KMT2B: variants seen among roughly 807,000 people sequenced by gnomAD.
The protein encoded by KMT2B is lysine methyltransferase 2B, also known as histone-lysine N-methyltransferase 2B.
KMT2B carries 22 observed loss-of-function variants against 255.3 expected under a neutral mutation model. That is an observed-to-expected ratio of 0.09 (90% CI 0.06 to 0.12). The LOEUF (loss-of-function observed/expected upper bound fraction) is 0.12. KMT2B is among the 10% of genes least tolerant of loss of function. The probability of loss-of-function intolerance (pLI) is 1.00; values close to 1 mark genes in which losing one functional copy is unlikely to be tolerated. For missense variants in KMT2B, 3,149 were observed against 3,737.0 expected (o/e 0.84, Z 4.10); for synonymous variants, 1,730 against 1,498.1 (o/e 1.15, Z -3.57).
chr19:35,718,294 C>T lies in KMT2B; in HGVS notation c.276C>T (p.Gly92=). 8.1e-7 allele frequency: 1 copy of T among 1,230,232 alleles called. No individual in the cohort carries two copies. The highest frequency in any genetic ancestry group is 4.1e-5 in the South Asian group (1 of 24,234). The allele number at this position is 1,230,232 out of a possible 1,614,324, so 76.2% of individuals were successfully genotyped here. Residue 92 remains glycine (G), a synonymous_variant, in exon 1 of 37, where the codon GGC becomes GGT. Coordinates refer to ENST00000420124, the MANE Select transcript of KMT2B (RefSeq NM_014727.3). This position sits in a 1 kb window ranked among gnomAD's most constrained non-coding sequence, Gnocchi z 5.0. ...RLWAGPRVQR[G]RGRGRGRGWG... ...GGGCCGGCCCGCGGGTCCAGCGGGG[C>T]CGGGGACGGGGTCGGGGCCGGGGCT... is the stretch of plus-strand genomic sequence containing the variant.
chr19:35,724,036 G>T, intron 8 of KMT2B, 29 bp downstream of exon 8: 1 of 1,542,570 alleles, frequency 6.5e-7, no homozygotes, highest in South Asian at 1.2e-5. Flanking sequence ...TTTCTCTGTT[G>T]ATCATTTATT....
rs753685124 is a variant in KMT2B at position 35,732,052 on chromosome 19, C to T, written c.5582C>T (p.Ser1861Leu). ...SAPPPAPRSF[S>L]GARIKVPNYS... ...CCTCCTCCAGCCCCCCGTTCTTTTT[C>T]GGGGGCTCGAATCAAAGTGCCCAAC... is the stretch of plus-strand genomic sequence containing the variant. The change falls in exon 27 of 37, where the codon TCG (serine) becomes TTG (leucine). Residue 1861 changes from serine (S) to leucine (L), a missense_variant. Ser to Leu is a moderately radical substitution (Grantham distance 145, BLOSUM62 -2). Around this residue, in one of 18 missense-constraint regions of KMT2B, gnomAD observed 897 missense variants for 825.3 expected, o/e 1.09. Coordinates refer to ENST00000420124, the MANE Select transcript of KMT2B (RefSeq NM_014727.3). 4.9e-5 allele frequency: 79 copies of T among 1,611,754 alleles called. No individual in the cohort carries two copies. The Admixed American group carries it at 5.2e-4, about 11-fold the overall frequency.
At chr19:35,726,423 A>G (rs1969447907) in intron 14 of KMT2B, 70 bp downstream of exon 14, 1 of 1,001,904 alleles carries the variant, frequency 1.0e-6, no homozygotes, top group Non-Finnish European at 1.6e-6. Context: ...TACAGGCTTT[A>G]GCACAGACCC....
chr19:35,729,398 T>C (rs1475066366), intron 22 of KMT2B, 102 bp downstream of exon 22: 2 of 1,440,212 alleles, frequency 1.4e-6, no homozygotes, highest in Non-Finnish European at 1.9e-6. Flanking sequence ...TGGCATCCTT[T>C]CACTGCCAGG....
chr19:35,733,315 C>T lies in KMT2B; in HGVS notation c.6766C>T (p.Pro2256Ser). ...AGTGGTCCGCCCTGCCCCGCCCCCG[C>T]CACCCCCTCCCCTGACGCTGGTGCT... ...VGVVRPAPPP[P>S]PPPLTLVLSS... The change falls in exon 28 of 37, where the codon CCA (proline) becomes TCA (serine). Residue 2256 changes from proline (P) to serine (S), a missense_variant. Transcript: ENST00000420124. The surrounding 1 kb of genome is among the most constrained non-coding windows in gnomAD (Gnocchi z 4.3). The T allele has an allele frequency of 6.8e-7, 1 of 1,478,394 alleles. No individual in the cohort carries two copies. Among genetic ancestry groups the T allele is most frequent in the Non-Finnish European group, 9.2e-7 (1 of 1,086,288 alleles). 91.6% of individuals were successfully genotyped at this position (1,478,394 alleles called of 1,614,324 possible). A position where few individuals can be genotyped will look rare whatever the true frequency, so the allele number is the denominator to read the frequency against.
intron 2 of KMT2B, 109 bp from the exon 3 acceptor site, chr19:35,719,675 G>T: frequency 6.6e-7 from 1 of 1,516,852 alleles, no homozygotes; most frequent in Non-Finnish European, 8.9e-7. Context: ...AGCTAGTCTG[G>T]GCAGCGGGGG....
rs966506392 is a variant in KMT2B, at chr19:35,738,621, G to C, written c.*64G>C. ...TGCCGTCGCTGCCATCTTGCCCCTA[G>C]CCTGGGGGCTCCCTAGCCCCTCCCA... On this transcript the variant is annotated 3_prime_UTR_variant, in exon 37 of 37. Coordinates refer to ENST00000420124, the MANE Select transcript of KMT2B (RefSeq NM_014727.3). The surrounding 1 kb of genome is among the most constrained non-coding windows in gnomAD (Gnocchi z 8.7). 2.4e-5 allele frequency: 37 copies of C among 1,542,472 alleles called. No homozygotes were observed. In the African/African-American group the frequency reaches 4.2e-4, roughly 18 times the overall value.
Position 35,721,682 on chromosome 19 carries a change from G to T in KMT2B, c.2335G>T (p.Gly779Cys), listed in dbSNP as rs1969218741. The part of the protein sequence containing the change: ...MPPLEKARIA[G>C]VGSLPLSGVE... ...TCCCCTGGAAAAAGCCCGGATTGCG[G>T]GCGTGGGTTCCTTGCCGCTGTCTGG... The change falls in exon 3 of 37, where the codon GGC becomes TGC. Residue 779 changes from glycine (G) to cysteine (C), a missense_variant. This residue lies in a region of KMT2B where 1,188 missense variants were observed against 1,106.4 expected (regional missense o/e 1.07). Transcript: ENST00000420124. 1 of 1,611,528 alleles carries T rather than the reference G, an allele frequency of 6.2e-7. No homozygotes were observed. Among genetic ancestry groups the T allele is most frequent in the South Asian group, 1.1e-5 (1 of 90,884 alleles).
Position 35,721,765 on chromosome 19 carries a change from C to T in KMT2B, c.2418C>T (p.Ile806=), listed in dbSNP as rs369873235. 21 of 1,602,002 alleles carry T rather than the reference C, an allele frequency of 1.3e-5. No homozygotes were observed. In the African/African-American group the frequency reaches 2.0e-4, roughly 15 times the overall value. ...GAGCCAAAGTGCAGCTATTCAAGAT[C>T]GATCAGCAGCAGCAGCAGAAGGTGG... is the stretch of plus-strand genomic sequence containing the variant. ...LKRAKVQLFK[I]DQQQQQKVAA... is the part of the protein sequence containing the mutation. Residue 806 remains isoleucine, a synonymous_variant, in exon 3 of 37, where the codon ATC becomes ATT. Transcript: ENST00000420124.
In KMT2B at chr19:35,723,809, C is replaced by T. The variant is rs1969315638; in HGVS notation, c.3136C>T (p.Arg1046Cys). Residue 1046 changes from arginine (R) to cysteine (C), a missense_variant, in exon 8 of 37, where the codon CGC (arginine) becomes TGC (cysteine). Physicochemically the swap from Arg to Cys is radical, Grantham distance 180. Coordinates refer to ENST00000420124, the MANE Select transcript of KMT2B (RefSeq NM_014727.3). The surrounding 1 kb of genome is among the most constrained non-coding windows in gnomAD (Gnocchi z 7.5). ...PEASPGPPGP[R>C]RGAGAGGPRE... is the part of the protein sequence containing the mutation. ...GGCCTCCCCTGGTCCTCCAGGCCCA[C>T]GCCGGGGGGCGGGAGCTGGGGGGCC... 1 of 1,592,054 alleles carries T rather than the reference C, an allele frequency of 6.3e-7. No individual in the cohort carries two copies. The highest frequency in any genetic ancestry group is 8.6e-7 in the Non-Finnish European group (1 of 1,168,534).
Position 35,721,702 on chromosome 19 carries a change from G to C in KMT2B, c.2355G>C (p.Leu785=). The C allele has an allele frequency of 8.1e-6, 13 of 1,610,648 alleles. No homozygotes were observed. The highest frequency in any genetic ancestry group is 1.1e-5 in the Non-Finnish European group (13 of 1,178,368). The change falls in exon 3 of 37, where the codon CTG becomes CTC. Residue 785 remains leucine (L), a synonymous_variant. Coordinates refer to ENST00000420124, the MANE Select transcript of KMT2B (RefSeq NM_014727.3). ...TTGCGGGCGTGGGTTCCTTGCCGCT[G>C]TCTGGGGTAGAGGAGAAGATGTTCA... is the stretch of plus-strand genomic sequence containing the variant. ...ARIAGVGSLP[L]SGVEEKMFSL...
intron 14 of KMT2B, among the ~76,000 whole-genome samples, chr19:35,726,642 C>G (rs1395866559): frequency 2.0e-5 from 3 of 152,116 alleles, no homozygotes; most frequent in South Asian, 2.1e-4. Context: ...AAGCCTTATT[C>G]AGGCAGTACA....
rs771776488 is a variant in KMT2B, at chr19:35,723,817, G to C, written c.3144G>C (p.Gly1048=). The change falls in exon 8 of 37, where the codon GGG becomes GGC. Residue 1048 remains glycine (G), a synonymous_variant. Transcript: ENST00000420124. The surrounding 1 kb of genome is among the most constrained non-coding windows in gnomAD (Gnocchi z 7.5). ...CTGGTCCTCCAGGCCCACGCCGGGG[G>C]GCGGGAGCTGGGGGGCCCCGGGAGG... ...ASPGPPGPRR[G]AGAGGPREEV... The C allele has an allele frequency of 1.9e-6, 3 of 1,594,408 alleles. No individual in the cohort carries two copies. The highest frequency in any genetic ancestry group is 2.2e-5 in the South Asian group (2 of 89,644).
Position 35,733,847 on chromosome 19 carries a change from T to A in KMT2B, c.7134T>A (p.Leu2378=). Residue 2378 remains leucine (L), a synonymous_variant, in exon 30 of 37, where the codon CTT becomes CTA. Coordinates refer to ENST00000420124, the MANE Select transcript of KMT2B (RefSeq NM_014727.3). The surrounding 1 kb of genome is among the most constrained non-coding windows in gnomAD (Gnocchi z 4.3). ...QVPDGPPDLL[L]ESQWHHYSGE... ...CCGATGGTCCCCCAGACCTGCTGCT[T>A]GAGTCCCAGTGGCACCACTATTCAG... 1 of 1,613,404 alleles carries A rather than the reference T, an allele frequency of 6.2e-7. No individual in the cohort carries two copies. The highest frequency in any genetic ancestry group is 8.5e-7 in the Non-Finnish European group (1 of 1,179,428).
intron 27 of KMT2B, 33 bp from the exon 28 acceptor site, chr19:35,732,182 G>A: frequency 6.4e-7 from 1 of 1,568,082 alleles, no homozygotes; most frequent in Non-Finnish European, 8.7e-7. Flanking sequence ...GCGGAGGTGG[G>A]AGCTGCTGGT....
rs546215453 is a variant in KMT2B at position 35,727,592 on chromosome 19, G to T, written c.4272G>T (p.Lys1424Asn). The change falls in exon 16 of 37, where the codon AAG (lysine) becomes AAT (asparagine). Residue 1424 changes from lysine (K) to asparagine (N), a missense_variant. Lys to Asn is a moderately conservative substitution (Grantham distance 94). Transcript: ENST00000420124. This position sits in a 1 kb window ranked among gnomAD's most constrained non-coding sequence, Gnocchi z 4.2. ...TGCTCCAGGGCCTGCTGAGCTCCAA[G>T]GTGGTGGGCCCACTGCTGCTCTGCA... ...RQVLQGLLSS[K>N]VVGPLLLCTQ... The T allele has an allele frequency of 1.2e-6, 2 of 1,606,244 alleles. No individual in the cohort carries two copies. The highest frequency in any genetic ancestry group is 2.2e-5 in the East Asian group (1 of 44,790).
Position 35,723,734 on chromosome 19 carries a change from C to T in KMT2B, c.3061C>T (p.Arg1021Trp), listed in dbSNP as rs753991431. The change falls in exon 8 of 37, where the codon CGG becomes TGG. Residue 1021 changes from arginine (R) to tryptophan (W), a missense_variant and splice_region_variant. Arg to Trp is a moderately radical substitution (Grantham distance 101, BLOSUM62 -3). Around this residue, in one of 18 missense-constraint regions of KMT2B, gnomAD observed 50 missense variants for 71.9 expected, o/e 0.70. Coordinates refer to ENST00000420124, the MANE Select transcript of KMT2B (RefSeq NM_014727.3). The surrounding 1 kb of genome is among the most constrained non-coding windows in gnomAD (Gnocchi z 7.5). ...TACTAAGTCCCCTGTTCCCGCAGGCCGGACGATAGTGAAGACGCTGTTGCC... is the reference window on the plus strand; with the variant it reads ...TACTAAGTCCCCTGTTCCCGCAGGCTGGACGATAGTGAAGACGCTGTTGCC... Reference protein sequence around the residue: ...RKMERLAKKGRTIVKTLLPWD... With the variant: ...RKMERLAKKGWTIVKTLLPWD... The T allele has an allele frequency of 1.3e-6, 2 of 1,527,574 alleles. No individual in the cohort carries two copies. Among genetic ancestry groups the T allele is most frequent in the Non-Finnish European group, 1.8e-6 (2 of 1,137,162 alleles). 94.6% of individuals were successfully genotyped at this position (1,527,574 alleles called of 1,614,324 possible).
Position 35,722,617 on chromosome 19 carries a change from ATGC to A in KMT2B, c.2627_2629del (p.Ala876del), listed in dbSNP as rs766877314. 9.9e-6 allele frequency: 16 copies of A among 1,612,458 alleles called. No individual in the cohort carries two copies. Among genetic ancestry groups the A allele is most frequent in the Middle Eastern group, 3.3e-4 (2 of 6,062 alleles). On this transcript the variant is annotated inframe_deletion, in exon 5 of 37. Coordinates refer to ENST00000420124, the MANE Select transcript of KMT2B (RefSeq NM_014727.3). ...CCCCGCATCAAACATGTCTGCCGTC[ATGC>A]TGCTGTGGCCCTGGGTCAGGCCCGG...
chr19:35,738,836 C>T lies in KMT2B; in HGVS notation c.*279C>T, dbSNP rs1599707958. The T allele has an allele frequency of 2.0e-6, 1 of 503,480 alleles. No individual in the cohort carries two copies. Among genetic ancestry groups the T allele is most frequent in the East Asian group, 3.4e-5 (1 of 29,842 alleles). The allele number at this position is 503,480 out of a possible 1,614,324, so 31.2% of individuals were successfully genotyped here. On this transcript the variant is annotated 3_prime_UTR_variant, in exon 37 of 37. Coordinates refer to ENST00000420124, the MANE Select transcript of KMT2B (RefSeq NM_014727.3). This position sits in a 1 kb window ranked among gnomAD's most constrained non-coding sequence, Gnocchi z 8.7. ...ACTTTTTTATTTAAGAGGTGGGGTC[C>T]CAGGTGGGAACCCCCCCACAATAAA...
Sources: allele counts gnomAD v4.1 joint callset (sites outside exome capture counted in the v4.1 genomes callset), GRCh38; gene constraint gnomAD v4.1.1; regional missense constraint gnomAD v4.1.1; non-coding constraint Gnocchi (gnomAD v3.1); transcripts MANE v1.5; gene names NCBI Gene and HGNC (gene_info 2026-07-23, HGNC 2026-07-21).